ZBTB41: variants seen among roughly 807,000 people sequenced by gnomAD.
The protein encoded by ZBTB41 is zinc finger and BTB domain containing 41.
A neutral mutation model predicts 87.6 loss-of-function variants in ZBTB41; 42 were observed. The ratio of observed to expected loss-of-function variants is 0.48; its 90% CI spans 0.37 to 0.62. ZBTB41 has a LOEUF of 0.62. ZBTB41 is among the 20% of genes least tolerant of loss of function. The pLI is 0.00. For missense variants in ZBTB41, 799 were observed against 1,078.9 expected, an observed-to-expected ratio of 0.74 and a Z score of 3.63; for synonymous variants, 364 against 364.0, an observed-to-expected ratio of 1.00 and a Z score of 0.00.
chr1:197,160,557 T>G (rs1240331654), intron 10 of ZBTB41, among the ~76,000 whole-genome samples: 1 of 152,104 alleles, frequency 6.6e-6, no homozygotes, highest in Non-Finnish European at 1.5e-5. Context: ...GAGGTCAAAA[T>G]AAGAAGAGTT....
At chr1:197,180,840 T>G in intron 6 of ZBTB41, 148 bp downstream of exon 6, 1 of 817,380 alleles carries the variant, frequency 1.2e-6, no homozygotes, top group Non-Finnish European at 1.8e-6. Context: ...ATAACATTTG[T>G]GTAATTCCTT....
At chr1:197,198,504 A>G (rs1660222131) in intron 2 of ZBTB41, among the ~76,000 whole-genome samples, 1 of 152,138 alleles carries the variant, frequency 6.6e-6, no homozygotes, top group African/African-American at 2.4e-5. Context: ...TTTTATCATT[A>G]TATGTGGTAG....
rs763830522 is a variant in ZBTB41, at chr1:197,172,167, C to T, written c.2067G>A (p.Thr689=). 20 of 1,393,062 alleles carry T rather than the reference C, an allele frequency of 1.4e-5. No homozygotes were observed. Among genetic ancestry groups the T allele is most frequent in the South Asian group, 1.4e-4 (7 of 51,612 alleles). 86.3% of individuals were successfully genotyped at this position (1,393,062 alleles called of 1,614,324 possible). ...CCACTCATTAAATTTTACCTGAATG[C>T]GTTCGAAAATGCATTTCCAGACTTG... ...GKSSLEMHFR[T]HSGEKPYKCQ... Residue 689 remains threonine (T), a synonymous_variant, in exon 10 of 11, where the codon ACG becomes ACA. Coordinates refer to ENST00000367405, the MANE Select transcript of ZBTB41 (RefSeq NM_194314.3).
chr1:197,174,254 T>C (rs1225880397), intron 9 of ZBTB41, among the ~76,000 whole-genome samples: 1 of 152,070 alleles, frequency 6.6e-6, no homozygotes, highest in East Asian at 1.9e-4. Context: ...AAAATGCCTA[T>C]TGATTTGGCA....
rs10640606 is a variant in ZBTB41 at position 197,163,636 on chromosome 1, AACACACAC to A, written c.2075-3630_2075-3623del. Among the ~76,000 whole-genome samples, 11 of 148,468 alleles carry A rather than the reference AACACACAC, an allele frequency of 7.4e-5. No individual in the cohort carries two copies. In the East Asian group the frequency reaches 1.4e-3, roughly 19 times the overall value. Reference sequence around the variant, plus strand: ...ACACTATAAACCTCACAAAATACAAAACACACACACACACACACACACAGAAACACTCA... The same window carrying A: ...ACACTATAAACCTCACAAAATACAAAACACACACACACACAGAAACACTCA... On this transcript the variant is annotated intron_variant, in intron 10 of 10. Transcript: ENST00000367405.
At position 197,154,393 on chromosome 1, in the gene ZBTB41, T is replaced by G. The variant is rs1416858384; in HGVS notation, c.*4966A>C. ...TCTGAATATAATCCTTAATTTCTCT[T>G]TATGTAATTGGCTGCATAGGCTAAA... is the stretch of plus-strand genomic sequence containing the variant. On this transcript the variant is annotated 3_prime_UTR_variant, in exon 11 of 11. Transcript: ENST00000367405. 1 of 152,120 alleles carries G rather than the reference T, an allele frequency of 6.6e-6. No individual in the cohort carries two copies. Among genetic ancestry groups the G allele is most frequent in the Non-Finnish European group, 1.5e-5 (1 of 67,964 alleles). The allele number at this position is 152,120 out of a possible 1,614,324, so 9.4% of individuals were successfully genotyped here.
intron 5 of ZBTB41, among the ~76,000 whole-genome samples, chr1:197,186,318 C>G (rs1042121045): frequency 1.3e-5 from 2 of 151,508 alleles, no homozygotes; most frequent in African/African-American, 4.8e-5. Context: ...ACCTTACATC[C>G]TTTGCAAAAG....
Position 197,200,465 on chromosome 1 carries a change from C to A in ZBTB41, c.9G>T (p.Lys3Asn). The stretch of plus-strand genomic sequence containing the variant: ...CAAGATTTGAAGTAACCTTTCTCCT[C>A]TTCTTCATTGCAGTACAGCAATTTC... MK[K>N]RRKVTSNLEK... Residue 3 changes from lysine to asparagine, a missense_variant, in exon 2 of 11, where the codon AAG becomes AAT. Physicochemically the swap from Lys to Asn is moderately conservative, Grantham distance 94. Around this residue, in one of 5 missense-constraint regions of ZBTB41, gnomAD observed 77 missense variants for 68.4 expected, o/e 1.13. Coordinates refer to ENST00000367405, the MANE Select transcript of ZBTB41 (RefSeq NM_194314.3). The A allele has an allele frequency of 6.3e-7, 1 of 1,587,186 alleles. No individual in the cohort carries two copies. Among genetic ancestry groups the A allele is most frequent in the South Asian group, 1.2e-5 (1 of 85,654 alleles).
In ZBTB41 at chr1:197,200,081, T is replaced by C. The variant is rs748816416; in HGVS notation, c.393A>G (p.Val131=). Residue 131 remains valine, a synonymous_variant, in exon 2 of 11, where the codon GTA becomes GTG. Transcript: ENST00000367405. ...PSTDVVTLDH[V]THSVFQHLLE... ...GCAAATGCTGAAAAACTGAATGTGT[T>C]ACGTGATCCAGGGTGACAACATCAG... 6.2e-7 allele frequency: 1 copy of C among 1,613,554 alleles called. No homozygotes were observed. The highest frequency in any genetic ancestry group is 2.2e-5 in the East Asian group (1 of 44,878).
At chr1:197,166,227 A>C (rs895263599) in intron 10 of ZBTB41, among the ~76,000 whole-genome samples, 3 of 152,200 alleles carry the variant, frequency 2.0e-5, no homozygotes, top group African/African-American at 7.2e-5. Context: ...AAAATGGGAG[A>C]AATACAAAAG....
chr1:197,194,858 G>A (rs757504599), intron 2 of ZBTB41, among the ~76,000 whole-genome samples: 1 of 152,150 alleles, frequency 6.6e-6, no homozygotes, highest in Non-Finnish European at 1.5e-5. Context: ...TTCTGAACAA[G>A]AACAGGAGAG....
intron 10 of ZBTB41, among the ~76,000 whole-genome samples, chr1:197,171,733 T>C (rs1267291283): frequency 1.3e-5 from 2 of 151,852 alleles, no homozygotes; most frequent in African/African-American, 2.4e-5. Flanking sequence ...CGATGGTAAC[T>C]TGGCAAACAA....
At chr1:197,186,567 T>TA (rs946393210) in intron 5 of ZBTB41, among the ~76,000 whole-genome samples, 51 of 152,212 alleles carry the variant, frequency 3.4e-4, no homozygotes, top group African/African-American at 1.1e-3. Context: ...GCAACTTGAT[T>TA]AAAAAATGGG....
Position 197,154,574 on chromosome 1 carries a change from T to C in ZBTB41, c.*4785A>G, listed in dbSNP as rs1003426386. 6.6e-6 allele frequency: 1 copy of C among 152,052 alleles called. No homozygotes were observed. The highest frequency in any genetic ancestry group is 1.5e-5 in the Non-Finnish European group (1 of 67,940). 9.4% of individuals were successfully genotyped at this position (152,052 alleles called of 1,614,324 possible). On this transcript the variant is annotated 3_prime_UTR_variant, in exon 11 of 11. Coordinates refer to ENST00000367405, the MANE Select transcript of ZBTB41 (RefSeq NM_194314.3). The stretch of plus-strand genomic sequence containing the variant: ...AATCCTATTACATCTATCTTATTAA[T>C]GCTACTTCCAAAGAGAAAGAGCAGA...
intron 2 of ZBTB41, among the ~76,000 whole-genome samples, chr1:197,196,524 C>T (rs993158460): frequency 6.6e-5 from 10 of 152,114 alleles, no homozygotes; most frequent in African/African-American, 2.4e-4. Context: ...CTTTTTTCAT[C>T]CCTTTTTCCA....
chr1:197,190,746 A>C lies in ZBTB41; in HGVS notation c.1398+16T>G, dbSNP rs1388246546. 7.8e-6 allele frequency: 12 copies of C among 1,532,650 alleles called. No individual in the cohort carries two copies. The highest frequency in any genetic ancestry group is 1.1e-5 in the Non-Finnish European group (12 of 1,118,464). 94.9% of individuals were successfully genotyped at this position (1,532,650 alleles called of 1,614,324 possible). A position where few individuals can be genotyped will look rare whatever the true frequency, so the allele number is the denominator to read the frequency against. On this transcript the variant is annotated intron_variant, in intron 4 of 10. Transcript: ENST00000367405. ...TTACTTTGGTTTTCTAATTTGTTTTAATTAAAAACTCTTACATCACATTTC... is the reference window on the plus strand; with the variant it reads ...TTACTTTGGTTTTCTAATTTGTTTTCATTAAAAACTCTTACATCACATTTC...
At position 197,199,433 on chromosome 1, in the gene ZBTB41, C is replaced by A. The variant is rs1486657009; in HGVS notation, c.1041G>T (p.Gly347=). 6.2e-7 allele frequency: 1 copy of A among 1,611,052 alleles called. No homozygotes were observed. Among genetic ancestry groups the A allele is most frequent in the Non-Finnish European group, 8.5e-7 (1 of 1,179,078 alleles). ...TGTTCTGAATGACCACTGGAGTTAA[C>A]CCCTCATGAACATTTCCTACAGAAT... The part of the protein sequence containing the change: ...AGDSVGNVHE[G]LTPVVIQNSN... The change falls in exon 2 of 11, where the codon GGG becomes GGT. Residue 347 remains glycine (G), a synonymous_variant. Coordinates refer to ENST00000367405, the MANE Select transcript of ZBTB41 (RefSeq NM_194314.3).
At chr1:197,171,471 A>T (rs951472820) in intron 10 of ZBTB41, among the ~76,000 whole-genome samples, 2 of 152,100 alleles carry the variant, frequency 1.3e-5, no homozygotes, top group African/African-American at 4.8e-5. Flanking sequence ...GCAGCCATAA[A>T]TACATAAATG....
chr1:197,159,653 C>A lies in ZBTB41; in HGVS notation c.2436G>T (p.Leu812=). The A allele has an allele frequency of 4.3e-6, 7 of 1,613,984 alleles. 1 individual carries two copies. The South Asian group carries it at 7.7e-5, about 18-fold the overall frequency. ...GAGTGTCAGGCATCTGAACTGGAAC[C>A]AGAGTTACTGGAACACATACTTCAG... ...VSAEVCVPVT[L]VPVQMPDTPS... is the part of the protein sequence containing the mutation. The change falls in exon 11 of 11, where the codon CTG becomes CTT. Residue 812 remains leucine (L), a synonymous_variant. Coordinates refer to ENST00000367405, the MANE Select transcript of ZBTB41 (RefSeq NM_194314.3).
Sources: allele counts gnomAD v4.1 joint callset (sites outside exome capture counted in the v4.1 genomes callset), GRCh38; gene constraint gnomAD v4.1.1; regional missense constraint gnomAD v4.1.1; transcripts MANE v1.5; gene names NCBI Gene and HGNC (gene_info 2026-07-23, HGNC 2026-07-21).